The following RNF125 variants were observed in gnomAD, a reference collection of about 807,000 sequenced individuals.
RNF125 encodes E3 ubiquitin-protein ligase RNF125.
RNF125 carries 21 observed loss-of-function variants against 26.0 expected under a neutral mutation model. The ratio of observed to expected loss-of-function variants is 0.81; its 90% CI spans 0.57 to 1.16. The LOEUF (loss-of-function observed/expected upper bound fraction) is 1.16. Ranked by LOEUF, RNF125 falls within the 50% of genes most tolerant of loss-of-function variation. RNF125 has a pLI of 0.00. For missense variants in RNF125, 270 were observed against 299.4 expected (o/e 0.90, Z 0.72); for synonymous variants, 95 against 109.2 (o/e 0.87, Z 0.81).
the RNF125 span, among the ~76,000 whole-genome samples, chr18:32,086,938 C>T: frequency 6.6e-6 from 1 of 152,094 alleles, no homozygotes; most frequent in Non-Finnish European, 1.5e-5. Flanking sequence ...AGGAATGAGC[C>T]ACCATGCCTG....
At chr18:32,036,627 GGGGA>G (rs2039157793) in intron 1 of RNF125, among the ~76,000 whole-genome samples, 3 of 126,312 alleles carry the variant, frequency 2.4e-5, no homozygotes, top group African/African-American at 9.0e-5. Flanking sequence ...GGAGGGGAGA[GGGGA>G]GGGAGGGAGG....
chr18:32,065,923 A>G lies in RNF125; in HGVS notation c.526A>G (p.Ile176Val). Residue 176 changes from isoleucine (I) to valine (V), a missense_variant, in exon 5 of 6, where the codon ATA (isoleucine) becomes GTA (valine). Transcript: ENST00000217740. ...RPVFCPLCRLIPDENPSSFSG... is the reference protein window; with the variant it reads ...RPVFCPLCRLVPDENPSSFSG... The stretch of plus-strand genomic sequence containing the variant: ...CCAGTTCTGTCCACTTTGCCGTTTA[A>G]TACCCGATGAGAATCCAAGCAGCTT... The G allele has an allele frequency of 6.2e-7, 1 of 1,613,334 alleles. No individual in the cohort carries two copies. Among genetic ancestry groups the G allele is most frequent in the Non-Finnish European group, 8.5e-7 (1 of 1,179,312 alleles).
intron 4 of RNF125, among the ~76,000 whole-genome samples, chr18:32,065,254 TGAGACA>T (rs1453653561): frequency 6.6e-6 from 1 of 152,192 alleles, no homozygotes; most frequent in Non-Finnish European, 1.5e-5. Flanking sequence ...TCTTGTTTTT[TGAGACA>T]GAGTTTTGCT....
Position 32,037,245 on chromosome 18 carries a change from G to A in RNF125, c.294G>A (p.Lys98=). The A allele has an allele frequency of 1.3e-6, 2 of 1,592,290 alleles. No individual in the cohort carries two copies. Among genetic ancestry groups the A allele is most frequent in the Admixed American group, 1.8e-5 (1 of 54,906 alleles). ...CCAAAAGAATGAAATCAGAGTATAA[G>A]AACTGCGCTGAGTGTGACACCCTGG... is the stretch of plus-strand genomic sequence containing the variant. ...DVAKRMKSEY[K]NCAECDTLVC... Residue 98 remains lysine, a synonymous_variant, in exon 2 of 6, where the codon AAG becomes AAA. Coordinates refer to ENST00000217740, the MANE Select transcript of RNF125 (RefSeq NM_017831.4).
intron 1 of RNF125, among the ~76,000 whole-genome samples, chr18:32,024,094 T>C (rs1326499868): frequency 6.6e-6 from 1 of 151,858 alleles, no homozygotes; most frequent in Non-Finnish European, 1.5e-5. Context: ...TTTATCTATA[T>C]CTTTTTTTAT....
At chr18:32,055,663 A>G (rs1292909609) in intron 4 of RNF125, among the ~76,000 whole-genome samples, 2 of 152,072 alleles carry the variant, frequency 1.3e-5, no homozygotes, top group African/African-American at 4.8e-5. Flanking sequence ...CTCCCTTGAC[A>G]CTTGGAGATT....
chr18:32,047,351 G>C (rs115752576), intron 4 of RNF125, among the ~76,000 whole-genome samples: 2,903 of 152,134 alleles, frequency 0.019, 90 homozygotes, highest in African/African-American at 0.067. Flanking sequence ...TTGTTAACCA[G>C]TTTTTAGAAT....
intron 4 of RNF125, among the ~76,000 whole-genome samples, chr18:32,061,367 A>G (rs936385116): frequency 1.3e-5 from 2 of 152,144 alleles, no homozygotes; most frequent in African/African-American, 4.8e-5. Flanking sequence ...ACTAGACTCT[A>G]ATCAGCTCCT....
chr18:32,056,556 C>T (rs1318907486), intron 4 of RNF125, among the ~76,000 whole-genome samples: 5 of 144,114 alleles, frequency 3.5e-5, no homozygotes, highest in Non-Finnish European at 6.0e-5. Flanking sequence ...GCAGAGATTG[C>T]GTTGCAGTGA....
chr18:32,041,979 T>TA (rs1261923001), intron 2 of RNF125, 200 bp from the exon 3 acceptor site: 7 of 535,222 alleles, frequency 1.3e-5, no homozygotes, highest in Non-Finnish European at 2.3e-5. Flanking sequence ...AGTTGGATCT[T>TA]CTAAGTATCG....
intron 3 of RNF125, among the ~76,000 whole-genome samples, chr18:32,044,581 G>A (rs999671330): frequency 2.6e-5 from 4 of 151,230 alleles, no homozygotes; most frequent in African/African-American, 9.7e-5. Flanking sequence ...CACGCCTGTT[G>A]CCCAGGCTGG....
chr18:32,062,763 C>T (rs1235650861), intron 4 of RNF125, among the ~76,000 whole-genome samples: 1 of 151,882 alleles, frequency 6.6e-6, no homozygotes, highest in Admixed American at 6.6e-5. Flanking sequence ...TGAGTAAATT[C>T]AAGCTATTTT....
At chr18:32,078,360 G>A in the RNF125 span, among the ~76,000 whole-genome samples, 6 of 152,278 alleles carry the variant, frequency 3.9e-5, no homozygotes, top group East Asian at 1.9e-4. Flanking sequence ...GGAGTGGGAC[G>A]TAATAAAGTC....
chr18:32,065,271 C>G (rs572441337), intron 4 of RNF125, among the ~76,000 whole-genome samples: 2 of 152,132 alleles, frequency 1.3e-5, no homozygotes, highest in South Asian at 4.1e-4. Flanking sequence ...GAGTTTTGCT[C>G]TTGTTGCCCA....
Position 32,018,863 on chromosome 18 carries a change from G to A in RNF125, c.-1G>A. 1.9e-6 allele frequency: 3 copies of A among 1,572,482 alleles called. No individual in the cohort carries two copies. The highest frequency in any genetic ancestry group is 1.2e-5 in the South Asian group (1 of 86,636). ...CAGCTGTCTGGGCGAGAGGCACAGC[G>A]ATGGGCTCCGTGCTGAGCACCGACA... On this transcript the variant is annotated 5_prime_UTR_variant, in exon 1 of 6. Coordinates refer to ENST00000217740, the MANE Select transcript of RNF125 (RefSeq NM_017831.4).
chr18:32,059,445 G>A (rs758076058), intron 4 of RNF125, among the ~76,000 whole-genome samples: 3 of 152,058 alleles, frequency 2.0e-5, no homozygotes, highest in Admixed American at 6.6e-5. Context: ...TGTTTAAATC[G>A]TTTGCCTGTT....
At chr18:32,045,044 G>A (rs979240770) in intron 3 of RNF125, among the ~76,000 whole-genome samples, 2 of 151,714 alleles carry the variant, frequency 1.3e-5, no homozygotes, top group Admixed American at 1.3e-4. Flanking sequence ...TTTGAGCCCA[G>A]GAAGTGGAGG....
At chr18:32,055,825 C>T (rs572130368) in intron 4 of RNF125, among the ~76,000 whole-genome samples, 4 of 151,010 alleles carry the variant, frequency 2.6e-5, no homozygotes, top group Non-Finnish European at 4.4e-5. Context: ...ACTAAAAATA[C>T]AAAATTAGCC....
Position 32,042,213 on chromosome 18 carries a change from CT to C in RNF125, c.355del (p.Cys119ValfsTer5). On this transcript the variant is annotated frameshift_variant, in exon 3 of 6. Coordinates refer to ENST00000217740, the MANE Select transcript of RNF125 (RefSeq NM_017831.4). LOFTEE classifies it high-confidence loss of function. ...CLSEMRAHIR[T>X]CQKYIDKYGP... ...AGTGAAATGAGGGCACATATTCGGACTTGTCAGAAGTACATAGATAAGTATG... is the reference window on the plus strand; with the variant it reads ...AGTGAAATGAGGGCACATATTCGGACTGTCAGAAGTACATAGATAAGTATG... 6.2e-7 allele frequency: 1 copy of C among 1,613,596 alleles called. No individual in the cohort carries two copies. The highest frequency in any genetic ancestry group is 8.5e-7 in the Non-Finnish European group (1 of 1,179,726).
Sources: allele counts gnomAD v4.1 joint callset (sites outside exome capture counted in the v4.1 genomes callset), GRCh38; gene constraint gnomAD v4.1.1; transcripts MANE v1.5; gene names NCBI Gene and HGNC (gene_info 2026-07-23, HGNC 2026-07-21).